Variants in FBLN1 observed in about 807,000 individuals in gnomAD.
The protein encoded by FBLN1 is fibulin-1.
In FBLN1, 34 loss-of-function variants were observed where a neutral mutation model predicts 89.7. That is an observed-to-expected ratio of 0.38 (90% CI 0.29 to 0.50). FBLN1 has a LOEUF of 0.50. Among genes scored for constraint, FBLN1 ranks in the 20% least tolerant of loss-of-function variants. The pLI, the probability that FBLN1 is intolerant of heterozygous loss-of-function variation, is 0.92. For synonymous variants in FBLN1, 393 were observed against 391.3 expected, an observed-to-expected ratio of 1.00 and a Z score of -0.05; for missense variants, 777 against 988.1, an observed-to-expected ratio of 0.79 and a Z score of 2.86.
rs998927331 is a variant in FBLN1, at chr22:45,562,774, C to T, written c.1698-11737C>T. 1.2e-6 allele frequency: 1 copy of T among 844,802 alleles called. No individual in the cohort carries two copies. The highest frequency in any genetic ancestry group is 3.0e-4 in the Middle Eastern group (1 of 3,370). 52.3% of individuals were successfully genotyped at this position (844,802 alleles called of 1,614,324 possible). On this transcript the variant is annotated intron_variant, in intron 14 of 16. Transcript: ENST00000327858. The surrounding 1 kb of genome is among the most constrained non-coding windows in gnomAD (Gnocchi z 7.8). ...CCTCCCGCAGGTGAGTGAGGTGTGC[C>T]CTTCGTGTTGGCTGAATCGGCCAGA...
rs185860098 is a variant in FBLN1 at position 45,580,758 on chromosome 22, G to A, written c.1972+3650G>A. Among the ~76,000 whole-genome samples the A allele has an allele frequency of 3.2e-3, 493 of 152,266 alleles. 1 individual carries two copies. Among genetic ancestry groups the A allele is most frequent in the Middle Eastern group, 0.014 (4 of 294 alleles). Reference sequence around the variant, plus strand: ...AAACAATCAGCGCACAGGCCCCGGGGCTCGCCGTGTTCAGTCCTCCCAGAG... The same window carrying A: ...AAACAATCAGCGCACAGGCCCCGGGACTCGCCGTGTTCAGTCCTCCCAGAG... On this transcript the variant is annotated intron_variant, in intron 16 of 16. Transcript: ENST00000327858. The surrounding 1 kb of genome is among the most constrained non-coding windows in gnomAD (Gnocchi z 8.6).
rs11319959 is a variant in FBLN1 at position 45,530,770 on chromosome 22, C to CT, written c.485-485dup. The stretch of plus-strand genomic sequence containing the variant: ...CTGTGGTCTTTCTGTTATAACTGAT[C>CT]TTTTTTTTTTGAAACGGAGTCTCGC... On this transcript the variant is annotated intron_variant, in intron 4 of 16. Coordinates refer to ENST00000327858, the MANE Select transcript of FBLN1 (RefSeq NM_006486.3). The surrounding 1 kb of genome is among the most constrained non-coding windows in gnomAD (Gnocchi z 5.4). Among the ~76,000 whole-genome samples the CT allele has an allele frequency of 8.0e-5, 12 of 149,642 alleles. No individual in the cohort carries two copies. The highest frequency in any genetic ancestry group is 3.9e-4 in the East Asian group (2 of 5,082).
At position 45,563,010 on chromosome 22, in the gene FBLN1, C is replaced by G; in HGVS notation, c.1698-11501C>G. On this transcript the variant is annotated intron_variant, in intron 14 of 16. Transcript: ENST00000327858. The surrounding 1 kb of genome is among the most constrained non-coding windows in gnomAD (Gnocchi z 5.7). ...CTCTCTTTCCCCACCAACATCCAAG[C>G]GCCCGCGGTGGTTTTCCGCATGGGC... 2 of 1,613,600 alleles carry G rather than the reference C, an allele frequency of 1.2e-6. No individual in the cohort carries two copies. The highest frequency in any genetic ancestry group is 1.7e-6 in the Non-Finnish European group (2 of 1,179,978).
intron 14 of FBLN1, among the ~76,000 whole-genome samples, chr22:45,553,442 C>G (rs1186035698): frequency 2.0e-5 from 3 of 152,208 alleles, no homozygotes; most frequent in African/African-American, 4.8e-5. Flanking sequence ...TCAGTGATGA[C>G]AACCCGTCCC....
chr22:45,526,778 G>A (rs190649882), intron 3 of FBLN1, among the ~76,000 whole-genome samples: 37 of 152,298 alleles, frequency 2.4e-4, no homozygotes, highest in East Asian at 7.7e-4. Flanking sequence ...GTGGGGTGAT[G>A]GTGGGGGTGC....
At chr22:45,524,035 A>G (rs1276513788) in intron 2 of FBLN1, among the ~76,000 whole-genome samples, 1 of 152,316 alleles carries the variant, frequency 6.6e-6, no homozygotes, top group South Asian at 2.1e-4. Context: ...GTTATTTGCA[A>G]ATCCACCGAA....
At chr22:45,520,918 C>G (rs136724) in intron 2 of FBLN1, among the ~76,000 whole-genome samples, 3 of 151,852 alleles carry the variant, frequency 2.0e-5, no homozygotes, top group Admixed American at 1.3e-4. Context: ...TAGATTCAGG[C>G]GATTCTCCTG....
In FBLN1 at chr22:45,587,124, G is replaced by A. The variant is rs150972979; in HGVS notation, c.1972+10016G>A. Among the ~76,000 whole-genome samples the A allele has an allele frequency of 9.3e-3, 1,414 of 152,232 alleles. 27 individuals carry two copies. The highest frequency in any genetic ancestry group is 0.033 in the African/African-American group (1,359 of 41,528). On this transcript the variant is annotated intron_variant, in intron 16 of 16. Coordinates refer to ENST00000327858, the MANE Select transcript of FBLN1 (RefSeq NM_006486.3). ...CGGAGCCTCTCCCCTCGTCATGTACGTGCGCATCATGGCAAAATGTGCCTG... is the reference window on the plus strand; with the variant it reads ...CGGAGCCTCTCCCCTCGTCATGTACATGCGCATCATGGCAAAATGTGCCTG...
Position 45,532,910 on chromosome 22 carries a change from C to T in FBLN1, c.545-153C>T. The T allele has an allele frequency of 1.4e-6, 1 of 691,082 alleles. No homozygotes were observed. The highest frequency in any genetic ancestry group is 2.6e-6 in the Non-Finnish European group (1 of 390,462). The allele number at this position is 691,082 out of a possible 1,614,324, so 42.8% of individuals were successfully genotyped here. Reference sequence around the variant, plus strand: ...CCAGAGCCAGAGCCTGGGGGTCTCCCAGTAGGGCAGCAGGTGGGCTCCAGC... The same window carrying T: ...CCAGAGCCAGAGCCTGGGGGTCTCCTAGTAGGGCAGCAGGTGGGCTCCAGC... On this transcript the variant is annotated intron_variant, in intron 5 of 16. Coordinates refer to ENST00000327858, the MANE Select transcript of FBLN1 (RefSeq NM_006486.3). This position sits in a 1 kb window ranked among gnomAD's most constrained non-coding sequence, Gnocchi z 4.2.
chr22:45,569,432 A>G (rs1262006122), intron 14 of FBLN1, among the ~76,000 whole-genome samples: 1 of 152,168 alleles, frequency 6.6e-6, no homozygotes, highest in Admixed American at 6.5e-5. Flanking sequence ...CAAGGTCAAG[A>G]GTTCGAGACC....
At chr22:45,540,111 G>A (rs2146978241) in intron 8 of FBLN1, among the ~76,000 whole-genome samples, 1 of 152,284 alleles carries the variant, frequency 6.6e-6, no homozygotes, top group South Asian at 2.1e-4. Flanking sequence ...GGTGTAAGCC[G>A]GGTTTGAACC....
rs182569682 is a variant in FBLN1 at position 45,549,651 on chromosome 22, C to T, written c.1574-841C>T. 6.6e-5 allele frequency among the ~76,000 whole-genome samples: 10 copies of T among 152,296 alleles called. No individual in the cohort carries two copies. Among genetic ancestry groups the T allele is most frequent in the Admixed American group, 4.6e-4 (7 of 15,304 alleles). ...ACTCAGCATAAACACATTCCTGAGC[C>T]GGGCCTTTGAGGCTGGGGAGTGTTG... On this transcript the variant is annotated intron_variant, in intron 13 of 16. Transcript: ENST00000327858. This position sits in a 1 kb window ranked among gnomAD's most constrained non-coding sequence, Gnocchi z 5.7.
intron 11 of FBLN1, among the ~76,000 whole-genome samples, chr22:45,544,955 C>T (rs550000781): frequency 1.6e-4 from 24 of 152,342 alleles, no homozygotes; most frequent in African/African-American, 5.3e-4. Flanking sequence ...CCTCCACAAT[C>T]GTCCACATTG....
In FBLN1 at chr22:45,535,204, T is replaced by C; in HGVS notation, c.789T>C (p.Ile263=). 6.2e-7 allele frequency: 1 copy of C among 1,614,198 alleles called. No homozygotes were observed. Among genetic ancestry groups the C allele is most frequent in the East Asian group, 2.2e-5 (1 of 44,886 alleles). Residue 263 remains isoleucine, a synonymous_variant, in exon 8 of 17, where the codon ATT becomes ATC. Transcript: ENST00000327858. ...ELTEDNSCKD[I]DECESGIHNC... ...CCTTTTTTTATGATGTACCAGATAT[T>C]GACGAGTGTGAGAGTGGTATTCATA...
At position 45,578,554 on chromosome 22, in the gene FBLN1, A is replaced by G. The variant is rs2089017360; in HGVS notation, c.1972+1446A>G. On this transcript the variant is annotated intron_variant, in intron 16 of 16. Coordinates refer to ENST00000327858, the MANE Select transcript of FBLN1 (RefSeq NM_006486.3). This position sits in a 1 kb window ranked among gnomAD's most constrained non-coding sequence, Gnocchi z 4.6. The stretch of plus-strand genomic sequence containing the variant: ...TCAGTTTCCCCCATTGTGAAATGAG[A>G]GTTTAGATGAAGACAGCCTTGAGGG... 1 of 148,962 alleles carries G rather than the reference A, an allele frequency of 6.7e-6. No homozygotes were observed. Among genetic ancestry groups the G allele is most frequent in the Non-Finnish European group, 1.5e-5 (1 of 67,202 alleles). 9.2% of individuals were successfully genotyped at this position (148,962 alleles called of 1,614,324 possible). A position where few individuals can be genotyped will look rare whatever the true frequency, so the allele number is the denominator to read the frequency against.
intron 14 of FBLN1, among the ~76,000 whole-genome samples, chr22:45,569,641 A>AG (rs1232780918): frequency 3.6e-5 from 4 of 109,652 alleles, no homozygotes; most frequent in South Asian, 3.1e-4. Context: ...TCTGTCTCAA[A>AG]AAAGAAGAAG....
At chr22:45,542,092 C>T (rs1320597193) in intron 9 of FBLN1, 63 bp from the exon 10 acceptor site, 3 of 1,612,048 alleles carry the variant, frequency 1.9e-6, no homozygotes, top group Non-Finnish European at 2.5e-6. Context: ...CCTTTCTGAT[C>T]ATCTTGGGGG....
chr22:45,514,348 T>A (rs1363714473), intron 1 of FBLN1, among the ~76,000 whole-genome samples: 1 of 152,172 alleles, frequency 6.6e-6, no homozygotes, highest in Non-Finnish European at 1.5e-5. Flanking sequence ...GGAGCCATGA[T>A]GCCAGGCCCC....
chr22:45,600,723 G>T lies in FBLN1; in HGVS notation c.*277G>T. ...ACCCCCTTTCTCTGCCTCTGGCTGG[G>T]CCTTGCTAAGGGCCAAGGAAAGAAA... is the stretch of plus-strand genomic sequence containing the variant. On this transcript the variant is annotated 3_prime_UTR_variant, in exon 17 of 17. Coordinates refer to ENST00000327858, the MANE Select transcript of FBLN1 (RefSeq NM_006486.3). The T allele has an allele frequency of 2.0e-6, 1 of 491,644 alleles. No individual in the cohort carries two copies. The highest frequency in any genetic ancestry group is 3.9e-5 in the East Asian group (1 of 25,712). The allele number at this position is 491,644 out of a possible 1,614,324, so 30.5% of individuals were successfully genotyped here. A position where few individuals can be genotyped will look rare whatever the true frequency, so the allele number is the denominator to read the frequency against.
Sources: allele counts gnomAD v4.1 joint callset (sites outside exome capture counted in the v4.1 genomes callset), GRCh38; gene constraint gnomAD v4.1.1; non-coding constraint Gnocchi (gnomAD v3.1); transcripts MANE v1.5; gene names NCBI Gene and HGNC (gene_info 2026-07-23, HGNC 2026-07-21).